The following MICU1 variants were observed in gnomAD, a reference collection of about 807,000 sequenced individuals.
The protein encoded by MICU1 is calcium uptake protein 1, mitochondrial.
A neutral mutation model predicts 56.8 loss-of-function variants in MICU1; 45 were observed. That is an observed-to-expected ratio of 0.79 (90% CI 0.62 to 1.02). The LOEUF is 1.02. Among genes scored for constraint, MICU1 ranks in the 50% least tolerant of loss-of-function variants. The pLI is 0.00. For synonymous variants in MICU1, 186 were observed against 195.1 expected (o/e 0.95, Z 0.39); for missense variants, 504 against 587.1 (o/e 0.86, Z 1.46).
intron 5 of MICU1, among the ~76,000 whole-genome samples, chr10:72,518,967 C>T (rs991052723): frequency 6.6e-6 from 1 of 152,240 alleles, no homozygotes; most frequent in African/African-American, 2.4e-5. Flanking sequence ...AGGCGTGAGC[C>T]ACTGCTCCCA....
At position 72,388,588 on chromosome 10, in the gene MICU1, A is replaced by G. The variant is rs1011666606; in HGVS notation, c.1181-12716T>C. ...GAACAGACAATTGTAGGGGAAAAAAAGGTCACATTTCATATTCAAGAGAAG... is the reference window on the plus strand; with the variant it reads ...GAACAGACAATTGTAGGGGAAAAAAGGGTCACATTTCATATTCAAGAGAAG... On this transcript the variant is annotated intron_variant, in intron 10 of 11. Transcript: ENST00000361114. Among the ~76,000 whole-genome samples the G allele has an allele frequency of 4.6e-5, 7 of 152,186 alleles. No individual in the cohort carries two copies. The East Asian group carries it at 1.3e-3, about 29-fold the overall frequency.
intron 4 of MICU1, among the ~76,000 whole-genome samples, chr10:72,538,757 CAG>C (rs1207389398): frequency 6.6e-6 from 1 of 151,966 alleles, no homozygotes; most frequent in Non-Finnish European, 1.5e-5. Context: ...TCAATAATAA[CAG>C]TGACTATAAA....
At chr10:72,399,506 C>G (rs937657430) in intron 10 of MICU1, among the ~76,000 whole-genome samples, 4 of 152,078 alleles carry the variant, frequency 2.6e-5, no homozygotes, top group African/African-American at 9.7e-5. Flanking sequence ...ATTAGTCAGA[C>G]ATGTTGGCAC....
At chr10:72,512,596 G>C (rs1867507198) in intron 5 of MICU1, among the ~76,000 whole-genome samples, 1 of 152,144 alleles carries the variant, frequency 6.6e-6, no homozygotes, top group Non-Finnish European at 1.5e-5. Context: ...TCATGTATGA[G>C]TATCTGTTTG....
chr10:72,414,452 T>C (rs1214782653), intron 9 of MICU1, among the ~76,000 whole-genome samples: 2 of 152,240 alleles, frequency 1.3e-5, no homozygotes, highest in Admixed American at 6.5e-5. Flanking sequence ...TACCTTATTA[T>C]TGTATTTATA....
At chr10:72,418,109 C>A (rs1359881329) in intron 9 of MICU1, among the ~76,000 whole-genome samples, 1 of 152,252 alleles carries the variant, frequency 6.6e-6, no homozygotes, top group South Asian at 2.1e-4. Context: ...GTCATGAGAA[C>A]AGGATGGGGG....
intron 1 of MICU1, among the ~76,000 whole-genome samples, chr10:72,578,885 G>A (rs539116406): frequency 6.6e-6 from 1 of 152,208 alleles, no homozygotes; most frequent in Non-Finnish European, 1.5e-5. Flanking sequence ...GATTACAGGT[G>A]TGAGTCACCG....
chr10:72,436,865 C>T (rs879375750), intron 8 of MICU1, among the ~76,000 whole-genome samples: 4 of 151,182 alleles, frequency 2.6e-5, no homozygotes, highest in African/African-American at 4.9e-5. Context: ...AGTAAAAAAA[C>T]GAACAAAGCC....
chr10:72,566,670 A>T lies in MICU1; in HGVS notation c.124T>A (p.Ser42Thr). The change falls in exon 2 of 12, where the codon TCT (serine) becomes ACT (threonine). Residue 42 changes from serine (S) to threonine (T), a missense_variant. By Grantham distance (58) the Ser-to-Thr change is moderately conservative. Coordinates refer to ENST00000361114, the MANE Select transcript of MICU1 (RefSeq NM_001195518.2). Reference protein sequence around the residue: ...RLMMVAFLGASAVTASTGLLW... With the variant: ...RLMMVAFLGATAVTASTGLLW... ...AGACCAGTACTTGCAGTTACTGCAG[A>T]TGCTCCCAGGAAAGCCACCATCATT... 1 of 1,613,210 alleles carries T rather than the reference A, an allele frequency of 6.2e-7. No individual in the cohort carries two copies. Among genetic ancestry groups the T allele is most frequent in the Non-Finnish European group, 8.5e-7 (1 of 1,179,570 alleles).
intron 6 of MICU1, among the ~76,000 whole-genome samples, chr10:72,493,211 A>C (rs958008719): frequency 7.3e-5 from 11 of 151,662 alleles, no homozygotes; most frequent in Non-Finnish European, 8.8e-5. Flanking sequence ...ACACACACAC[A>C]CCCACACACA....
At chr10:72,581,164 A>G (rs1169914206) in intron 1 of MICU1, among the ~76,000 whole-genome samples, 1 of 152,194 alleles carries the variant, frequency 6.6e-6, no homozygotes, top group Non-Finnish European at 1.5e-5. Flanking sequence ...TTAAATACAC[A>G]CTAGGCAATA....
intron 4 of MICU1, among the ~76,000 whole-genome samples, chr10:72,545,416 T>C (rs1839872038): frequency 6.6e-6 from 1 of 152,178 alleles, no homozygotes; most frequent in Non-Finnish European, 1.5e-5. Context: ...TAGGAAGATA[T>C]AAGACATCAG....
chr10:72,418,818 C>T (rs754002059), intron 9 of MICU1, among the ~76,000 whole-genome samples: 4 of 152,160 alleles, frequency 2.6e-5, no homozygotes, highest in Non-Finnish European at 1.5e-5. Flanking sequence ...GAGATGGACT[C>T]GTAACCTTAG....
chr10:72,443,275 T>C (rs1864999266), intron 8 of MICU1, among the ~76,000 whole-genome samples: 1 of 152,138 alleles, frequency 6.6e-6, no homozygotes, highest in South Asian at 2.1e-4. Flanking sequence ...TATTAGCCCT[T>C]TGTCAGATGA....
chr10:72,620,569 T>C (rs1589397605), intron 1 of MICU1, among the ~76,000 whole-genome samples: 1 of 152,206 alleles, frequency 6.6e-6, no homozygotes, highest in East Asian at 1.9e-4. Flanking sequence ...CTGTTGAGGA[T>C]ATCTTTTTCA....
chr10:72,614,756 T>C (rs1841937111), intron 1 of MICU1, among the ~76,000 whole-genome samples: 1 of 152,086 alleles, frequency 6.6e-6, no homozygotes, highest in Non-Finnish European at 1.5e-5. Context: ...ATGCCAGAGG[T>C]TTCAGGGAGA....
chr10:72,397,907 T>C (rs975871045), intron 10 of MICU1, among the ~76,000 whole-genome samples: 2 of 152,206 alleles, frequency 1.3e-5, no homozygotes, highest in African/African-American at 4.8e-5. Flanking sequence ...ATCCAGGACC[T>C]GAACTCAGCT....
chr10:72,417,943 T>C (rs1864037504), intron 9 of MICU1, among the ~76,000 whole-genome samples: 1 of 152,064 alleles, frequency 6.6e-6, no homozygotes, highest in Non-Finnish European at 1.5e-5. Context: ...TGACTCACAG[T>C]TTTGCAGGGC....
At chr10:72,441,551 TA>T (rs35141740) in intron 8 of MICU1, among the ~76,000 whole-genome samples, 4,330 of 126,838 alleles carry the variant, frequency 0.034, 188 homozygotes, top group African/African-American at 0.11. Context: ...TTAAATTATT[TA>T]AAAAAAAAAA....
Sources: gnomAD v4.1 joint callset for allele counts (sites outside exome capture counted in the v4.1 genomes callset) on GRCh38, gnomAD v4.1.1 for gene constraint, MANE v1.5 for transcripts, NCBI Gene and HGNC (gene_info 2026-07-23, HGNC 2026-07-21) for gene names.